Variants in PCCA observed in about 807,000 individuals in gnomAD.
The protein encoded by PCCA is propionyl-CoA carboxylase subunit alpha.
A neutral mutation model predicts 101.3 loss-of-function variants in PCCA; 74 were observed. The observed-to-expected ratio is 0.73, with a 90% CI of 0.61 to 0.89. The LOEUF is 0.89. Among genes scored for constraint, PCCA ranks in the 40% least tolerant of loss-of-function variants. The probability of loss-of-function intolerance (pLI) is 0.00; values close to 1 mark genes in which losing one functional copy is unlikely to be tolerated. For synonymous variants in PCCA, 294 were observed against 313.6 expected, an observed-to-expected ratio of 0.94 and a Z score of 0.66; for missense variants, 891 against 907.0, an observed-to-expected ratio of 0.98 and a Z score of 0.23.
chr13:100,519,278 A>T (rs923778458), intron 22 of PCCA, among the ~76,000 whole-genome samples: 3 of 152,258 alleles, frequency 2.0e-5, no homozygotes, highest in African/African-American at 7.2e-5. Context: ...ACCAGGTGAA[A>T]GAATAGATTG....
intron 16 of PCCA, among the ~76,000 whole-genome samples, chr13:100,313,900 C>T (rs2067127013): frequency 6.6e-6 from 1 of 152,118 alleles, no homozygotes; most frequent in African/African-American, 2.4e-5. Flanking sequence ...AGTTTCATCT[C>T]ATGTATTGTC....
At chr13:100,407,482 A>T (rs577355196) in intron 19 of PCCA, among the ~76,000 whole-genome samples, 12 of 152,334 alleles carry the variant, frequency 7.9e-5, no homozygotes, top group African/African-American at 2.2e-4. Context: ...AATAAGTAAA[A>T]ACCTTTTATA....
At chr13:100,294,398 G>A (rs2065361005) in intron 12 of PCCA, among the ~76,000 whole-genome samples, 1 of 151,976 alleles carries the variant, frequency 6.6e-6, no homozygotes, top group Non-Finnish European at 1.5e-5. Flanking sequence ...TATTATTCTT[G>A]GGGTCACCAG....
chr13:100,458,621 T>G (rs2081968604), intron 21 of PCCA, among the ~76,000 whole-genome samples: 1 of 151,912 alleles, frequency 6.6e-6, no homozygotes, highest in Admixed American at 6.6e-5. Context: ...GGGAACAGAG[T>G]GAGACCCCAC....
rs2082378471 is a variant in PCCA at position 100,464,584 on chromosome 13, C to T, written c.1899+15279C>T. ...TTGGTGCTTGGCCTACAGAAAAATC[C>T]AGAGGGAAAATATTGTTCCCTTTTA... On this transcript the variant is annotated intron_variant, in intron 21 of 23. Transcript: ENST00000376285. 7 of 152,050 alleles carry T rather than the reference C, an allele frequency of 4.6e-5. No homozygotes were observed. The South Asian group carries it at 1.5e-3, about 32-fold the overall frequency. 9.4% of individuals were successfully genotyped at this position (152,050 alleles called of 1,614,324 possible). A position where few individuals can be genotyped will look rare whatever the true frequency, so the allele number is the denominator to read the frequency against.
intron 21 of PCCA, among the ~76,000 whole-genome samples, chr13:100,478,247 C>T (rs1048158532): frequency 2.0e-5 from 3 of 152,184 alleles, no homozygotes; most frequent in Non-Finnish European, 2.9e-5. Context: ...AGTTTTGAAT[C>T]CTCTGAGGAG....
intron 22 of PCCA, among the ~76,000 whole-genome samples, chr13:100,524,983 G>GGATGGATGGATAGATAGATAGATAGATA (rs1555330339): frequency 3.2e-4 from 44 of 137,172 alleles, no homozygotes; most frequent in Admixed American, 5.1e-4. Flanking sequence ...TCTCTAAGAT[G>GGATGGATGGATAGATAGATAGATAGATA]GATAGATAGA....
chr13:100,409,463 G>A (rs1394740690), intron 19 of PCCA, among the ~76,000 whole-genome samples: 1 of 152,112 alleles, frequency 6.6e-6, no homozygotes, highest in South Asian at 2.1e-4. Flanking sequence ...GGGACTCAGC[G>A]AGGCCAGAGT....
chr13:100,135,715 G>T (rs1345889158), intron 4 of PCCA, among the ~76,000 whole-genome samples: 1 of 152,070 alleles, frequency 6.6e-6, no homozygotes, highest in Non-Finnish European at 1.5e-5. Context: ...AGTAGCAGTG[G>T]TGCACATTCT....
At chr13:100,301,728 ATAAT>A in intron 13 of PCCA, 125 bp downstream of exon 13, 12 of 1,113,688 alleles carry the variant, frequency 1.1e-5, no homozygotes, top group Non-Finnish European at 1.6e-5. Context: ...TACGTAATCC[ATAAT>A]TAAATCAGAA....
chr13:100,185,468 G>C (rs1357957865), intron 6 of PCCA, among the ~76,000 whole-genome samples: 1 of 151,838 alleles, frequency 6.6e-6, no homozygotes, highest in Non-Finnish European at 1.5e-5. Context: ...TCCCACCTCA[G>C]CCTCCCGGGT....
intron 20 of PCCA, among the ~76,000 whole-genome samples, chr13:100,433,549 A>G (rs1312852091): frequency 6.6e-6 from 1 of 151,868 alleles, no homozygotes; most frequent in Non-Finnish European, 1.5e-5. Flanking sequence ...CTTCCCATAT[A>G]TAAAACCACA....
chr13:100,202,836 T>C (rs1424504476), intron 6 of PCCA, among the ~76,000 whole-genome samples: 11 of 152,086 alleles, frequency 7.2e-5, no homozygotes, highest in Admixed American at 7.2e-4. Flanking sequence ...TCTTTGTAGC[T>C]GTTTTCATTT....
intron 17 of PCCA, among the ~76,000 whole-genome samples, chr13:100,332,473 T>G (rs2069771850): frequency 6.6e-6 from 1 of 152,208 alleles, no homozygotes; most frequent in Non-Finnish European, 1.5e-5. Flanking sequence ...AGAGAACCTT[T>G]AGAACAAACA....
intron 23 of PCCA, among the ~76,000 whole-genome samples, chr13:100,529,335 A>G (rs1231123812): frequency 6.6e-6 from 1 of 152,190 alleles, no homozygotes; most frequent in African/African-American, 2.4e-5. Context: ...TTTTCAGTCC[A>G]AGCAGCATCT....
intron 19 of PCCA, among the ~76,000 whole-genome samples, chr13:100,393,242 G>T (rs1303175641): frequency 6.6e-6 from 1 of 151,996 alleles, no homozygotes; most frequent in Non-Finnish European, 1.5e-5. Flanking sequence ...ATCCTGGGAG[G>T]ATAGACACTA....
chr13:100,198,331 G>A (rs1324083058), intron 6 of PCCA: 1 of 152,230 alleles, frequency 6.6e-6, no homozygotes, highest in African/African-American at 2.4e-5. Context: ...TTGCAACCCA[G>A]GAGTGAGATT....
chr13:100,458,652 G>T (rs140712888), intron 21 of PCCA, among the ~76,000 whole-genome samples: 1 of 152,000 alleles, frequency 6.6e-6, no homozygotes, highest in Non-Finnish European at 1.5e-5. Context: ...TCAAAAAAGC[G>T]AAGATTTAAA....
chr13:100,206,880 T>C (rs769407038), intron 6 of PCCA, among the ~76,000 whole-genome samples: 4 of 152,138 alleles, frequency 2.6e-5, no homozygotes, highest in Admixed American at 6.5e-5. Flanking sequence ...CTCATCCCCA[T>C]AGAGAAAAGG....
Sources: allele counts gnomAD v4.1 joint callset (sites outside exome capture counted in the v4.1 genomes callset), GRCh38; gene constraint gnomAD v4.1.1; transcripts MANE v1.5; gene names NCBI Gene and HGNC (gene_info 2026-07-23, HGNC 2026-07-21).